Variants in KATNIP observed in about 807,000 individuals in gnomAD.
KATNIP encodes the protein katanin interacting protein.
A neutral mutation model predicts 174.0 loss-of-function variants in KATNIP; 126 were observed. The ratio of observed to expected loss-of-function variants is 0.72; its 90% CI spans 0.63 to 0.84. The LOEUF is 0.84. Ranked by LOEUF, KATNIP falls within the 40% of genes least tolerant of loss-of-function variation. The pLI is 0.00. For synonymous variants in KATNIP, 810 were observed against 835.7 expected, an observed-to-expected ratio of 0.97 and a Z score of 0.53; for missense variants, 1,958 against 2,109.7, an observed-to-expected ratio of 0.93 and a Z score of 1.41.
Position 27,660,489 on chromosome 16 carries a change from C to T in KATNIP, c.540+11754C>T, listed in dbSNP as rs574934380. Among the ~76,000 whole-genome samples the T allele has an allele frequency of 3.7e-4, 57 of 152,266 alleles. 1 individual carries two copies. In the South Asian group the frequency reaches 0.011, roughly 29 times the overall value. ...ACTTGAACCCGGGAGGTGGAGGTTG[C>T]AGTGAGCCGAGATGGCACCACTGCA... On this transcript the variant is annotated intron_variant, in intron 6 of 27. Transcript: ENST00000261588.
intron 14 of KATNIP, among the ~76,000 whole-genome samples, chr16:27,733,338 A>T (rs2080766604): frequency 6.6e-6 from 1 of 152,156 alleles, no homozygotes; most frequent in Non-Finnish European, 1.5e-5. Flanking sequence ...TTAAAAATGC[A>T]TTACAGTTTC....
intron 14 of KATNIP, among the ~76,000 whole-genome samples, chr16:27,732,378 T>C (rs1246561488): frequency 2.0e-5 from 3 of 152,194 alleles, no homozygotes; most frequent in Non-Finnish European, 4.4e-5. Flanking sequence ...TAAAAGACCA[T>C]GAATGAAGGT....
At chr16:27,663,255 C>G in intron 6 of KATNIP, among the ~76,000 whole-genome samples, 1 of 149,256 alleles carries the variant, frequency 6.7e-6, no homozygotes, top group African/African-American at 2.5e-5. Flanking sequence ...GCTTGGCCTC[C>G]CAAAGTGCTA....
rs755873176 is a variant in KATNIP, at chr16:27,777,065, A to G, written c.4551+36A>G. ...ATTAGCTGAGTTTTTTGAGATAATT[A>G]TGCTCGTTGGTAATTAGGCCGCCGG... On this transcript the variant is annotated intron_variant, in intron 25 of 27. Coordinates refer to ENST00000261588, the MANE Select transcript of KATNIP (RefSeq NM_015202.5). The surrounding 1 kb of genome is among the most constrained non-coding windows in gnomAD (Gnocchi z 4.4). The G allele has an allele frequency of 1.8e-5, 25 of 1,365,498 alleles. No individual in the cohort carries two copies. The highest frequency in any genetic ancestry group is 2.5e-5 in the Non-Finnish European group (24 of 957,682). 84.6% of individuals were successfully genotyped at this position (1,365,498 alleles called of 1,614,324 possible). A position where few individuals can be genotyped will look rare whatever the true frequency, so the allele number is the denominator to read the frequency against.
At chr16:27,653,695 G>C (rs2142384495) in intron 6 of KATNIP, among the ~76,000 whole-genome samples, 1 of 147,912 alleles carries the variant, frequency 6.8e-6, no homozygotes, top group East Asian at 2.0e-4. Flanking sequence ...GTCTCGCTCT[G>C]CCACCCAGGC....
chr16:27,646,885 TC>T (rs1279606458), intron 5 of KATNIP, among the ~76,000 whole-genome samples: 1 of 151,832 alleles, frequency 6.6e-6, no homozygotes, highest in Non-Finnish European at 1.5e-5. Flanking sequence ...GTTGCTTTCC[TC>T]CCCCCAGCAC....
At chr16:27,609,611 C>T (rs28450417) in intron 2 of KATNIP, among the ~76,000 whole-genome samples, 82 of 150,492 alleles carry the variant, frequency 5.4e-4, no homozygotes, top group Middle Eastern at 3.6e-3. Flanking sequence ...AGGGTGGTCT[C>T]GATCTCCTGA....
At chr16:27,580,878 G>A (rs1342068440) in intron 2 of KATNIP, among the ~76,000 whole-genome samples, 1 of 151,862 alleles carries the variant, frequency 6.6e-6, no homozygotes, top group African/African-American at 2.4e-5. Flanking sequence ...TATTTAAAAA[G>A]TTATACCATC....
At chr16:27,633,398 T>C (rs1043177405) in intron 5 of KATNIP, among the ~76,000 whole-genome samples, 41 of 150,114 alleles carry the variant, frequency 2.7e-4, no homozygotes, top group African/African-American at 9.0e-4. Context: ...TTTTGTACTA[T>C]ATTTTTTATT....
At position 27,778,774 on chromosome 16, in the gene KATNIP, G is replaced by C. The variant is rs1269938032; in HGVS notation, c.*145G>C. The C allele has an allele frequency of 2.9e-6, 2 of 696,634 alleles. No homozygotes were observed. The highest frequency in any genetic ancestry group is 3.6e-5 in the African/African-American group (2 of 55,486). 43.2% of individuals were successfully genotyped at this position (696,634 alleles called of 1,614,324 possible). ...GAGCCCGCTGGGAAGAGGGGACTCG[G>C]GAGGACAGCCCTGGATACTACCAGA... On this transcript the variant is annotated 3_prime_UTR_variant, in exon 28 of 28. Coordinates refer to ENST00000261588, the MANE Select transcript of KATNIP (RefSeq NM_015202.5).
chr16:27,662,057 T>TATATATATACACATAC (rs2077537183), intron 6 of KATNIP, among the ~76,000 whole-genome samples: 1 of 93,704 alleles, frequency 1.1e-5, no homozygotes, highest in Non-Finnish European at 2.0e-5. Flanking sequence ...TACATATATA[T>TATATATATACACATAC]ATATATATAT....
intron 1 of KATNIP, among the ~76,000 whole-genome samples, chr16:27,560,214 A>C (rs1026313668): frequency 1.4e-5 from 2 of 146,234 alleles, no homozygotes; most frequent in Non-Finnish European, 3.0e-5. Flanking sequence ...CCTGGGAGGC[A>C]GAGGTTGCAG....
Position 27,778,052 on chromosome 16 carries a change from A to G in KATNIP, c.4801+83A>G, listed in dbSNP as rs1218316017. On this transcript the variant is annotated intron_variant, in intron 27 of 27. Coordinates refer to ENST00000261588, the MANE Select transcript of KATNIP (RefSeq NM_015202.5). Reference sequence around the variant, plus strand: ...AAGGAGCTGGTGGCCTTGCACCCCCACCCTCACCCCTGCCTGCCCCTAGAC... The same window carrying G: ...AAGGAGCTGGTGGCCTTGCACCCCCGCCCTCACCCCTGCCTGCCCCTAGAC... 40 of 1,244,894 alleles carry G rather than the reference A, an allele frequency of 3.2e-5. No homozygotes were observed. In the East Asian group the frequency reaches 8.8e-4, roughly 27 times the overall value. 77.1% of individuals were successfully genotyped at this position (1,244,894 alleles called of 1,614,324 possible).
intron 14 of KATNIP, among the ~76,000 whole-genome samples, chr16:27,725,424 G>C (rs997730040): frequency 5.9e-5 from 9 of 152,192 alleles, no homozygotes; most frequent in Non-Finnish European, 1.2e-4. Flanking sequence ...GTTCATCGAG[G>C]AAAGGGTGTG....
Position 27,677,894 on chromosome 16 carries a change from G to T in KATNIP, c.706G>T (p.Asp236Tyr). Reference sequence around the variant, plus strand: ...ACATGACCGCCCTCCTTCCAGTGGCGACTGGACTCAGAAAGATGTTCACGG... The same window carrying T: ...ACATGACCGCCCTCCTTCCAGTGGCTACTGGACTCAGAAAGATGTTCACGG... ...PRHDRPPSSG[D>Y]WTQKDVHGEQ... The change falls in exon 7 of 28, where the codon GAC (aspartate) becomes TAC (tyrosine). Residue 236 changes from aspartate to tyrosine, a missense_variant. By Grantham distance (160) the Asp-to-Tyr change is radical. This residue lies in a region of KATNIP where 1,557 missense variants were observed against 1,617.8 expected (regional missense o/e 0.96). Transcript: ENST00000261588. 2 of 1,614,208 alleles carry T rather than the reference G, an allele frequency of 1.2e-6. No homozygotes were observed. The highest frequency in any genetic ancestry group is 1.7e-6 in the Non-Finnish European group (2 of 1,180,022).
At chr16:27,566,752 G>A (rs1024105170) in intron 1 of KATNIP, among the ~76,000 whole-genome samples, 3 of 152,140 alleles carry the variant, frequency 2.0e-5, no homozygotes, top group Non-Finnish European at 4.4e-5. Context: ...GACCCATGCG[G>A]CTTTGTCATT....
At chr16:27,691,625 T>C (rs530453790) in intron 8 of KATNIP, among the ~76,000 whole-genome samples, 1 of 152,328 alleles carries the variant, frequency 6.6e-6, no homozygotes, top group South Asian at 2.1e-4. Context: ...TGGGGCGCCA[T>C]GTAGGACGGT....
At chr16:27,691,275 C>T (rs147483795) in intron 8 of KATNIP, among the ~76,000 whole-genome samples, 159 of 152,352 alleles carry the variant, frequency 1.0e-3, no homozygotes, top group African/African-American at 3.6e-3. Flanking sequence ...TGAATTGATA[C>T]ACCTTTTGTT....
chr16:27,694,406 A>T (rs965694868), intron 8 of KATNIP, among the ~76,000 whole-genome samples: 2 of 152,170 alleles, frequency 1.3e-5, no homozygotes, highest in African/African-American at 4.8e-5. Context: ...ATCCCCCAAG[A>T]TGTCATACCT....
Sources: gnomAD v4.1 joint callset for allele counts (sites outside exome capture counted in the v4.1 genomes callset) on GRCh38, gnomAD v4.1.1 for gene constraint, gnomAD v4.1.1 regional missense constraint, Gnocchi (gnomAD v3.1) non-coding constraint, MANE v1.5 for transcripts, NCBI Gene and HGNC (gene_info 2026-07-23, HGNC 2026-07-21) for gene names.